Variants in GRIK3 observed in about 807,000 individuals in gnomAD.
The protein encoded by GRIK3 is glutamate ionotropic receptor kainate type subunit 3.
A neutral mutation model predicts 102.5 loss-of-function variants in GRIK3; 29 were observed. The ratio of observed to expected loss-of-function variants is 0.28; its 90% CI spans 0.21 to 0.39. GRIK3 has a LOEUF of 0.39. Among genes scored for constraint, GRIK3 ranks in the 10% least tolerant of loss-of-function variants. GRIK3 has a pLI of 1.00. For missense variants in GRIK3, 908 were observed against 1,252.4 expected, an observed-to-expected ratio of 0.73 and a Z score of 4.15; for synonymous variants, 511 against 504.9, an observed-to-expected ratio of 1.01 and a Z score of -0.16.
Position 36,800,716 on chromosome 1 carries a change from G to A in GRIK3, c.*1135C>T, listed in dbSNP as rs1335535246. ...GTCCAGGAGACCAGAAGTTCTTTTG[G>A]TCTCTTCTGGTTTCCCTCACCTAGC... On this transcript the variant is annotated 3_prime_UTR_variant, in exon 16 of 16. Transcript: ENST00000373091. 1.3e-5 allele frequency: 2 copies of A among 152,208 alleles called. No homozygotes were observed. The highest frequency in any genetic ancestry group is 4.8e-5 in the African/African-American group (2 of 41,440). 9.4% of individuals were successfully genotyped at this position (152,208 alleles called of 1,614,324 possible). A position where few individuals can be genotyped will look rare whatever the true frequency, so the allele number is the denominator to read the frequency against.
rs552930257 is a variant in GRIK3, at chr1:36,834,030, C to G, written c.1530+7706G>C. Among the ~76,000 whole-genome samples the G allele has an allele frequency of 6.6e-5, 10 of 152,322 alleles. 1 individual carries two copies. In the South Asian group the frequency reaches 2.1e-3, roughly 32 times the overall value. On this transcript the variant is annotated intron_variant, in intron 10 of 15. Coordinates refer to ENST00000373091, the MANE Select transcript of GRIK3 (RefSeq NM_000831.4). ...GTCAGCCCAGGCCCCAGTCTGGGAA[C>G]CAGGGAAGCTCTTCCACCCAGCCCA...
Position 36,850,632 on chromosome 1 carries a change from G to A in GRIK3, c.1213-208C>T, listed in dbSNP as rs494070. ...CCCTCCTCTCCTGACGAGGGTCCCAGGGTGTCGAATCTCTGAATTCTGCCA... is the reference window on the plus strand; with the variant it reads ...CCCTCCTCTCCTGACGAGGGTCCCAAGGTGTCGAATCTCTGAATTCTGCCA... On this transcript the variant is annotated intron_variant, in intron 8 of 15. Transcript: ENST00000373091. This position sits in a 1 kb window ranked among gnomAD's most constrained non-coding sequence, Gnocchi z 4.0. Among the ~76,000 whole-genome samples, 31,118 of 152,176 alleles carry A rather than the reference G, an allele frequency of 0.2. 3,980 individuals are homozygous for A. The highest frequency in any genetic ancestry group is 0.37 in the African/African-American group (15,192 of 41,476).
At chr1:37,014,470 G>T (rs531882351) in intron 1 of GRIK3, among the ~76,000 whole-genome samples, 1 of 152,332 alleles carries the variant, frequency 6.6e-6, no homozygotes, top group Admixed American at 6.5e-5. Flanking sequence ...TCCTTTTCTG[G>T]CAGATTCTTG....
rs376639946 is a variant in GRIK3 at position 36,831,333 on chromosome 1, C to T, written c.1531-5507G>A. On this transcript the variant is annotated intron_variant, in intron 10 of 15. Coordinates refer to ENST00000373091, the MANE Select transcript of GRIK3 (RefSeq NM_000831.4). ...CTGCAGCTGCAGAAAGCTGCTGGTA[C>T]ACCCTTGCCACCTCCAGGTCCCTCT... is the stretch of plus-strand genomic sequence containing the variant. 5.9e-5 allele frequency among the ~76,000 whole-genome samples: 9 copies of T among 152,328 alleles called. No homozygotes were observed. In the East Asian group the frequency reaches 1.7e-3, roughly 29 times the overall value.
At chr1:36,855,724 G>T (rs1640644055) in intron 7 of GRIK3, among the ~76,000 whole-genome samples, 1 of 152,266 alleles carries the variant, frequency 6.6e-6, no homozygotes, top group African/African-American at 2.4e-5. Context: ...CATCTGTGCA[G>T]CTCCCTTAGA....
At position 36,801,755 on chromosome 1, in the gene GRIK3, C is replaced by T; in HGVS notation, c.*96G>A. The T allele has an allele frequency of 9.0e-7, 1 of 1,107,738 alleles. No individual in the cohort carries two copies. The allele number at this position is 1,107,738 out of a possible 1,614,324, so 68.6% of individuals were successfully genotyped here. On this transcript the variant is annotated 3_prime_UTR_variant, in exon 16 of 16. Transcript: ENST00000373091. ...CCAACAGGCAGGTGGCAGCTCTGGT[C>T]CCCAAGCCCAGTGCGGGGACAGGGG...
intron 2 of GRIK3, among the ~76,000 whole-genome samples, chr1:36,881,230 G>C (rs1417540866): frequency 6.6e-6 from 1 of 152,164 alleles, no homozygotes; most frequent in Non-Finnish European, 1.5e-5. Context: ...CTCTGTGCCA[G>C]GTTCTGTTCT....
chr1:36,850,456 G>C lies in GRIK3; in HGVS notation c.1213-32C>G, dbSNP rs766273588. 5.3e-5 allele frequency: 71 copies of C among 1,334,326 alleles called. No homozygotes were observed. The highest frequency in any genetic ancestry group is 6.9e-5 in the Non-Finnish European group (64 of 925,044). 82.7% of individuals were successfully genotyped at this position (1,334,326 alleles called of 1,614,324 possible). A position where few individuals can be genotyped will look rare whatever the true frequency, so the allele number is the denominator to read the frequency against. ...GGACACAGACAGAAAACAGGGTGCCGAGTCCTTGGTCTACCCATCTTCCTC... is the reference window on the plus strand; with the variant it reads ...GGACACAGACAGAAAACAGGGTGCCCAGTCCTTGGTCTACCCATCTTCCTC... On this transcript the variant is annotated intron_variant, in intron 8 of 15. Transcript: ENST00000373091. This position sits in a 1 kb window ranked among gnomAD's most constrained non-coding sequence, Gnocchi z 4.0.
intron 1 of GRIK3, among the ~76,000 whole-genome samples, chr1:36,929,947 G>A (rs1401618121): frequency 6.6e-6 from 1 of 152,252 alleles, no homozygotes; most frequent in East Asian, 1.9e-4. Context: ...AACTCATGTG[G>A]CTGGCACAGT....
intron 1 of GRIK3, among the ~76,000 whole-genome samples, chr1:36,990,239 C>G (rs943043698): frequency 6.6e-6 from 1 of 152,178 alleles, no homozygotes; most frequent in African/African-American, 2.4e-5. Flanking sequence ...CCAGCCTTGA[C>G]AGTCACGATG....
intron 1 of GRIK3, among the ~76,000 whole-genome samples, chr1:36,964,105 C>T (rs1338727758): frequency 6.6e-6 from 1 of 152,194 alleles, no homozygotes; most frequent in Non-Finnish European, 1.5e-5. Context: ...TGGGCCTGGC[C>T]TGGGCAAGAA....
At chr1:36,950,904 G>A (rs981577112) in intron 1 of GRIK3, among the ~76,000 whole-genome samples, 5 of 152,226 alleles carry the variant, frequency 3.3e-5, no homozygotes, top group Admixed American at 6.5e-5. Flanking sequence ...AACGGGGAGC[G>A]GAGGGTCTGG....
chr1:36,860,916 C>T (rs1301004363), intron 5 of GRIK3, among the ~76,000 whole-genome samples: 1 of 152,242 alleles, frequency 6.6e-6, no homozygotes, highest in East Asian at 1.9e-4. Context: ...TCCAGTATTA[C>T]TTCATTCTTC....
chr1:36,953,188 C>T (rs149203881), intron 1 of GRIK3, among the ~76,000 whole-genome samples: 177 of 152,326 alleles, frequency 1.2e-3, no homozygotes, highest in African/African-American at 2.8e-3. Context: ...CTGTCCTTGC[C>T]CCTCCCCCTG....
rs1352044751 is a variant in GRIK3 at position 36,798,773 on chromosome 1, T to G, written c.*3078A>C. On this transcript the variant is annotated 3_prime_UTR_variant, in exon 16 of 16. Coordinates refer to ENST00000373091, the MANE Select transcript of GRIK3 (RefSeq NM_000831.4). ...ACACCTGAACATCAGGACGCAAGGTTTGCCTGGGAGAGGAGATGAGGCAGC... is the reference window on the plus strand; with the variant it reads ...ACACCTGAACATCAGGACGCAAGGTGTGCCTGGGAGAGGAGATGAGGCAGC... The G allele has an allele frequency of 6.6e-6, 1 of 152,208 alleles. No individual in the cohort carries two copies. The highest frequency in any genetic ancestry group is 1.5e-5 in the Non-Finnish European group (1 of 68,032). The allele number at this position is 152,208 out of a possible 1,614,324, so 9.4% of individuals were successfully genotyped here. A position where few individuals can be genotyped will look rare whatever the true frequency, so the allele number is the denominator to read the frequency against.
chr1:36,920,569 T>C (rs1267585827), intron 1 of GRIK3, among the ~76,000 whole-genome samples: 1 of 152,190 alleles, frequency 6.6e-6, no homozygotes, highest in Admixed American at 6.5e-5. Flanking sequence ...CCATGCCCCA[T>C]ATCTCATTGG....
At chr1:36,945,644 G>A (rs1167912433) in intron 1 of GRIK3, among the ~76,000 whole-genome samples, 1 of 152,204 alleles carries the variant, frequency 6.6e-6, no homozygotes, top group Non-Finnish European at 1.5e-5. Flanking sequence ...GTAGGAAAAG[G>A]TAACCAATAT....
chr1:36,904,066 G>C (rs983898769), intron 1 of GRIK3, among the ~76,000 whole-genome samples: 32 of 152,176 alleles, frequency 2.1e-4, no homozygotes, highest in African/African-American at 7.7e-4. Flanking sequence ...CATGTGTGTG[G>C]GCAGGGGGTA....
At chr1:36,933,779 C>T (rs529834913) in intron 1 of GRIK3, among the ~76,000 whole-genome samples, 9 of 152,300 alleles carry the variant, frequency 5.9e-5, no homozygotes, top group South Asian at 2.1e-4. Context: ...TGCTGTGTGA[C>T]GGAGGTCATG....
Sources: gnomAD v4.1 joint callset for allele counts (sites outside exome capture counted in the v4.1 genomes callset) on GRCh38, gnomAD v4.1.1 for gene constraint, Gnocchi (gnomAD v3.1) non-coding constraint, MANE v1.5 for transcripts, NCBI Gene and HGNC (gene_info 2026-07-23, HGNC 2026-07-21) for gene names.